Variants in NALF1 observed in about 807,000 individuals in gnomAD.
NALF1 encodes family with sequence similarity 155 member A.
A neutral mutation model predicts 48.4 loss-of-function variants in NALF1; 3 were observed. That is an observed-to-expected ratio of 0.06 (90% CI 0.03 to 0.16). NALF1 has a LOEUF of 0.16. Among genes scored for constraint, NALF1 ranks in the 10% least tolerant of loss-of-function variants. The pLI, the probability that NALF1 is intolerant of heterozygous loss-of-function variation, is 1.00. For missense variants in NALF1, 526 were observed against 571.5 expected (o/e 0.92, Z 0.81); for synonymous variants, 262 against 245.7 (o/e 1.07, Z -0.62).
At chr13:107,192,258 G>C (rs1566446363) in intron 2 of NALF1, among the ~76,000 whole-genome samples, 1 of 152,162 alleles carries the variant, frequency 6.6e-6, no homozygotes, top group Non-Finnish European at 1.5e-5. Context: ...AGCTGTGGGG[G>C]TCTGACCCAA....
chr13:107,813,707 A>G (rs1879072528), intron 1 of NALF1, among the ~76,000 whole-genome samples: 1 of 151,850 alleles, frequency 6.6e-6, no homozygotes, highest in South Asian at 2.1e-4. Context: ...TGACATCGGG[A>G]TGGGGCTTGT....
At chr13:107,234,407 T>C (rs1201907321) in intron 1 of NALF1, among the ~76,000 whole-genome samples, 1 of 152,192 alleles carries the variant, frequency 6.6e-6, no homozygotes, top group Non-Finnish European at 1.5e-5. Context: ...TATCCTTTCA[T>C]GAAGGGATAC....
rs9520403 is a variant in NALF1, at chr13:107,362,708, G to A, written c.916-151953C>T. 0.25 allele frequency among the ~76,000 whole-genome samples: 37,479 copies of A among 151,924 alleles called. 5,159 individuals are homozygous for A. Among genetic ancestry groups the A allele is most frequent in the Non-Finnish European group, 0.32 (21,549 of 67,926 alleles). On this transcript the variant is annotated intron_variant, in intron 1 of 2. Transcript: ENST00000375915. This position sits in a 1 kb window ranked among gnomAD's most constrained non-coding sequence, Gnocchi z 4.6. ...GCTGGGGGGACACAATTCTACCACC[G>A]ACAAGTGTCTGGAGGGATGTGGAGC...
intron 2 of NALF1, among the ~76,000 whole-genome samples, chr13:107,199,221 G>A (rs1490125494): frequency 6.6e-6 from 1 of 152,208 alleles, no homozygotes; most frequent in African/African-American, 2.4e-5. Context: ...CCCTAAAGAT[G>A]TGCTGGCATG....
chr13:107,608,880 G>A lies in NALF1; in HGVS notation c.915+256802C>T, dbSNP rs1398113897. ...GGAAGGCAGGTGAGGTTAAGCTAAC[G>A]ATGCTGCCGTGGGTTCCACGCACTC... On this transcript the variant is annotated intron_variant, in intron 1 of 2. Coordinates refer to ENST00000375915, the MANE Select transcript of NALF1 (RefSeq NM_001080396.3). Among the ~76,000 whole-genome samples the A allele has an allele frequency of 3.3e-5, 5 of 152,156 alleles. No homozygotes were observed. In the East Asian group the frequency reaches 7.7e-4, roughly 24 times the overall value.
At chr13:107,561,939 T>G (rs528755728) in intron 1 of NALF1, among the ~76,000 whole-genome samples, 2 of 152,322 alleles carry the variant, frequency 1.3e-5, no homozygotes, top group Admixed American at 6.5e-5. Context: ...AAAAGAAACT[T>G]TCCTAGGTTT....
At chr13:107,418,791 C>A (rs1012335992) in intron 1 of NALF1, among the ~76,000 whole-genome samples, 3 of 152,122 alleles carry the variant, frequency 2.0e-5, no homozygotes, top group Non-Finnish European at 4.4e-5. Context: ...TTTATCATTA[C>A]AATTCATTTC....
chr13:107,256,826 A>G (rs538632411), intron 1 of NALF1, among the ~76,000 whole-genome samples: 2 of 152,308 alleles, frequency 1.3e-5, no homozygotes, highest in African/African-American at 4.8e-5. Context: ...CATAAAGATT[A>G]TTGTATATTT....
intron 1 of NALF1, among the ~76,000 whole-genome samples, chr13:107,620,270 G>A (rs540345940): frequency 6.6e-6 from 1 of 152,172 alleles, no homozygotes; most frequent in East Asian, 1.9e-4. Context: ...TGGACAAAGG[G>A]GAAATACCCC....
At chr13:107,372,494 T>C (rs1883265097) in intron 1 of NALF1, among the ~76,000 whole-genome samples, 2 of 152,272 alleles carry the variant, frequency 1.3e-5, no homozygotes, top group African/African-American at 4.8e-5. Context: ...AAAGGCACTA[T>C]ACTCATTTGC....
intron 1 of NALF1, among the ~76,000 whole-genome samples, chr13:107,331,998 T>C (rs530356394): frequency 1.3e-5 from 2 of 152,158 alleles, no homozygotes; most frequent in African/African-American, 2.4e-5. Flanking sequence ...AATAGATTCA[T>C]AAAATATGTT....
chr13:107,473,607 T>C (rs1002497427), intron 1 of NALF1, among the ~76,000 whole-genome samples: 1 of 152,152 alleles, frequency 6.6e-6, no homozygotes. Context: ...GGAAGGACCA[T>C]TGAAACAACA....
At chr13:107,807,251 T>C (rs1235112165) in intron 1 of NALF1, among the ~76,000 whole-genome samples, 1 of 152,170 alleles carries the variant, frequency 6.6e-6, no homozygotes, top group Non-Finnish European at 1.5e-5. Flanking sequence ...TAAGATATAA[T>C]ATGCACAACT....
chr13:107,562,893 T>C lies in NALF1; in HGVS notation c.915+302789A>G, dbSNP rs1379849964. 2.6e-5 allele frequency among the ~76,000 whole-genome samples: 4 copies of C among 152,084 alleles called. No individual in the cohort carries two copies. The East Asian group carries it at 7.7e-4, about 29-fold the overall frequency. ...GGCATTTCCCAGTTCCCATGAGGAGTTTCCTCTGTGTTCCACTTCCTAACT... is the reference window on the plus strand; with the variant it reads ...GGCATTTCCCAGTTCCCATGAGGAGCTTCCTCTGTGTTCCACTTCCTAACT... On this transcript the variant is annotated intron_variant, in intron 1 of 2. Coordinates refer to ENST00000375915, the MANE Select transcript of NALF1 (RefSeq NM_001080396.3).
intron 1 of NALF1, among the ~76,000 whole-genome samples, chr13:107,493,754 T>C (rs1396182411): frequency 6.6e-6 from 1 of 152,024 alleles, no homozygotes; most frequent in Admixed American, 6.6e-5. Flanking sequence ...CAATGCGTGG[T>C]GGTGCATACC....
At chr13:107,816,368 G>A (rs1429043630) in intron 1 of NALF1, among the ~76,000 whole-genome samples, 1 of 152,164 alleles carries the variant, frequency 6.6e-6, no homozygotes, top group Non-Finnish European at 1.5e-5. Flanking sequence ...CGTGGCTGGG[G>A]AGGCCTCACA....
chr13:107,824,068 C>T (rs1265768820), intron 1 of NALF1, among the ~76,000 whole-genome samples: 1 of 151,964 alleles, frequency 6.6e-6, no homozygotes, highest in African/African-American at 2.4e-5. Context: ...TGTACCAGCT[C>T]ATGGTATATG....
intron 1 of NALF1, among the ~76,000 whole-genome samples, chr13:107,794,912 T>C (rs1878369041): frequency 6.6e-6 from 1 of 152,170 alleles, no homozygotes; most frequent in Non-Finnish European, 1.5e-5. Context: ...GAACAAGTTC[T>C]TCTAACATTG....
intron 1 of NALF1, among the ~76,000 whole-genome samples, chr13:107,512,124 G>A (rs35069070): frequency 0.036 from 5,501 of 152,302 alleles, 185 homozygotes; most frequent in African/African-American, 0.083. Flanking sequence ...GCTGGGTGTC[G>A]TGGCTCACGC....
Sources: allele counts gnomAD v4.1 joint callset (sites outside exome capture counted in the v4.1 genomes callset), GRCh38; gene constraint gnomAD v4.1.1; non-coding constraint Gnocchi (gnomAD v3.1); transcripts MANE v1.5; gene names NCBI Gene and HGNC (gene_info 2026-07-23, HGNC 2026-07-21).